PDE11A: variants seen among roughly 807,000 people sequenced by gnomAD.
PDE11A encodes the protein phosphodiesterase 11A, also known as dual 3',5'-cyclic-AMP and -GMP phosphodiesterase 11A.
A neutral mutation model predicts 100.5 loss-of-function variants in PDE11A; 100 were observed. That is an observed-to-expected ratio of 1.00 (90% CI 0.85 to 1.18). The LOEUF is 1.18. PDE11A is among the 50% of genes most tolerant of loss of function. The probability of loss-of-function intolerance (pLI) is 0.00; values close to 1 mark genes in which losing one functional copy is unlikely to be tolerated. For missense variants in PDE11A, 1,141 were observed against 1,152.6 expected, an observed-to-expected ratio of 0.99 and a Z score of 0.15; for synonymous variants, 381 against 420.8, an observed-to-expected ratio of 0.91 and a Z score of 1.16.
chr2:177,740,805 CA>C (rs1410167918), intron 10 of PDE11A, among the ~76,000 whole-genome samples: 3 of 152,108 alleles, frequency 2.0e-5, no homozygotes, highest in Non-Finnish European at 4.4e-5. Context: ...TCATAAGTTC[CA>C]TAAGGAAAGG....
At chr2:177,766,273 C>A (rs1367040640) in intron 10 of PDE11A, among the ~76,000 whole-genome samples, 3 of 152,174 alleles carry the variant, frequency 2.0e-5, no homozygotes, top group African/African-American at 7.2e-5. Flanking sequence ...AGGGTTTGCA[C>A]TCCTATGAGA....
At chr2:177,876,199 A>G (rs954166534) in intron 4 of PDE11A, among the ~76,000 whole-genome samples, 1 of 152,236 alleles carries the variant, frequency 6.6e-6, no homozygotes, top group Admixed American at 6.5e-5. Context: ...TATGGAGGTC[A>G]GGTAAAGGAA....
intron 12 of PDE11A, chr2:177,723,251 T>C (rs897220862): frequency 2.0e-5 from 3 of 152,088 alleles, no homozygotes; most frequent in African/African-American, 7.2e-5. Context: ...GCTTTCTAGT[T>C]TGAATTATCA....
chr2:177,675,848 G>T, intron 16 of PDE11A: 1 of 413,020 alleles, frequency 2.4e-6, no homozygotes, highest in Non-Finnish European at 4.6e-6. Flanking sequence ...CAATGTTGTT[G>T]GGTTTTTTTA....
intron 5 of PDE11A, among the ~76,000 whole-genome samples, chr2:177,850,198 T>C (rs2083676412): frequency 6.6e-6 from 1 of 151,990 alleles, no homozygotes; most frequent in Non-Finnish European, 1.5e-5. Flanking sequence ...TATAGACCAG[T>C]GGAACAGAAC....
intron 5 of PDE11A, among the ~76,000 whole-genome samples, chr2:177,844,245 T>A (rs921837757): frequency 4.6e-5 from 7 of 152,154 alleles, no homozygotes; most frequent in Admixed American, 3.9e-4. Flanking sequence ...AGATTCAGTA[T>A]CTAGTGCCTT....
intron 19 of PDE11A, among the ~76,000 whole-genome samples, chr2:177,637,997 A>ATTTT (rs10556235): frequency 2.8e-5 from 3 of 106,536 alleles, no homozygotes; most frequent in African/African-American, 1.2e-4. Flanking sequence ...ATATATATAT[A>ATTTT]TTTTTTTTTT....
chr2:177,812,966 G>C (rs113963043), intron 9 of PDE11A, among the ~76,000 whole-genome samples: 1,639 of 79,802 alleles, frequency 0.021, 15 homozygotes, highest in East Asian at 0.089. Context: ...CTAACAGTAG[G>C]GGGGAATCCC....
chr2:177,720,461 A>G (rs1228565179), intron 12 of PDE11A, among the ~76,000 whole-genome samples: 1 of 152,178 alleles, frequency 6.6e-6, no homozygotes, highest in Non-Finnish European at 1.5e-5. Flanking sequence ...TGAGCAAACT[A>G]TAGCATCTAG....
chr2:177,944,079 C>T (rs1391291770), intron 2 of PDE11A, among the ~76,000 whole-genome samples: 1 of 152,070 alleles, frequency 6.6e-6, no homozygotes, highest in Non-Finnish European at 1.5e-5. Context: ...AAAAAATGAT[C>T]AGAGCATGGG....
chr2:178,086,107 A>G (rs548132932), intron 2 of PDE11A, among the ~76,000 whole-genome samples: 7 of 152,306 alleles, frequency 4.6e-5, no homozygotes, highest in African/African-American at 1.7e-4. Flanking sequence ...TCCTGGCTGA[A>G]TCAATCTTTC....
chr2:177,945,812 A>C lies in PDE11A; in HGVS notation c.1072-40625T>G, dbSNP rs1225310785. 2.3e-5 allele frequency among the ~76,000 whole-genome samples: 3 copies of C among 132,894 alleles called. No homozygotes were observed. The East Asian group carries it at 7.9e-4, about 35-fold the overall frequency. 87.2% of individuals were successfully genotyped at this position (132,894 alleles called of 152,430 possible). On this transcript the variant is annotated intron_variant, in intron 2 of 19. Transcript: ENST00000286063. Reference sequence around the variant, plus strand: ...GCCCCCCCGCCCGGCCAGCCGTGCCATCCGGGAGGGAGGTGGGGGGGTCAG... The same window carrying C: ...GCCCCCCCGCCCGGCCAGCCGTGCCCTCCGGGAGGGAGGTGGGGGGGTCAG...
intron 2 of PDE11A, among the ~76,000 whole-genome samples, chr2:178,084,921 T>C (rs1477775549): frequency 6.6e-6 from 1 of 152,214 alleles, no homozygotes; most frequent in Non-Finnish European, 1.5e-5. Context: ...GCACCCATTA[T>C]GTATGCCACA....
At chr2:177,839,670 G>A (rs2083458105) in intron 6 of PDE11A, among the ~76,000 whole-genome samples, 1 of 152,082 alleles carries the variant, frequency 6.6e-6, no homozygotes, top group Admixed American at 6.5e-5. Context: ...TCAGACTTCA[G>A]CTGGACAATC....
At chr2:177,844,582 A>G (rs1274074722) in intron 5 of PDE11A, among the ~76,000 whole-genome samples, 1 of 150,954 alleles carries the variant, frequency 6.6e-6, no homozygotes, top group African/African-American at 2.4e-5. Flanking sequence ...GGTGTTTCTC[A>G]CAGAGGGGGA....
intron 16 of PDE11A, chr2:177,677,861 T>C (rs2080803021): frequency 6.6e-6 from 1 of 152,216 alleles, no homozygotes; most frequent in Non-Finnish European, 1.5e-5. Flanking sequence ...TCTAGTTCAG[T>C]TTATAGTGAG....
rs148314077 is a variant in PDE11A at position 177,888,753 on chromosome 2, G to C, written c.1302+9305C>G. 192 of 469,498 alleles carry C rather than the reference G, an allele frequency of 4.1e-4. No homozygotes were observed. In the Admixed American group the frequency reaches 9.1e-3, roughly 22 times the overall value. The allele number at this position is 469,498 out of a possible 1,614,324, so 29.1% of individuals were successfully genotyped here. A position where few individuals can be genotyped will look rare whatever the true frequency, so the allele number is the denominator to read the frequency against. ...ACATCTTTCCACAGACAAACATCAG[G>C]CTTGATACCACTCCACAGAAAAGGG... is the stretch of plus-strand genomic sequence containing the variant. On this transcript the variant is annotated intron_variant, in intron 4 of 19. Transcript: ENST00000286063.
intron 19 of PDE11A, among the ~76,000 whole-genome samples, chr2:177,658,496 CTT>C (rs902682204): frequency 2.0e-5 from 3 of 150,758 alleles, no homozygotes; most frequent in South Asian, 2.1e-4. Context: ...CTCCTCTCCT[CTT>C]CTTTTTTCCC....
intron 19 of PDE11A, among the ~76,000 whole-genome samples, chr2:177,631,530 TATATATATATATATATAC>T (rs2079932987): frequency 5.1e-5 from 1 of 19,512 alleles, no homozygotes; most frequent in African/African-American, 1.5e-4. Context: ...TATATATATA[TATATATATATATATATAC>T]ACATGTATAT....
Sources: gnomAD v4.1 joint callset for allele counts (sites outside exome capture counted in the v4.1 genomes callset) on GRCh38, gnomAD v4.1.1 for gene constraint, MANE v1.5 for transcripts, NCBI Gene and HGNC (gene_info 2026-07-23, HGNC 2026-07-21) for gene names.